GLG1: variants seen among roughly 807,000 people sequenced by gnomAD.
GLG1 encodes golgi glycoprotein 1, also known as Golgi apparatus protein 1.
In GLG1, 38 loss-of-function variants were observed where a neutral mutation model predicts 160.5. The observed-to-expected ratio is 0.24, with a 90% CI of 0.18 to 0.31. GLG1 has a LOEUF of 0.31. Ranked by LOEUF, GLG1 falls within the 10% of genes least tolerant of loss-of-function variation. GLG1 has a pLI of 1.00. For synonymous variants in GLG1, 644 were observed against 543.4 expected, an observed-to-expected ratio of 1.19 and a Z score of -2.57; for missense variants, 1,373 against 1,505.2, an observed-to-expected ratio of 0.91 and a Z score of 1.45.
In GLG1 at chr16:74,590,675, T is replaced by C. The variant is rs1357798941; in HGVS notation, c.438+15982A>G. On this transcript the variant is annotated intron_variant, in intron 1 of 25. Transcript: ENST00000422840. ...CGGGCGTGGTGACACCACATGCTTG[T>C]AATCCCAGCTACTCAGGAGGCTGAG... is the stretch of plus-strand genomic sequence containing the variant. Among the ~76,000 whole-genome samples, 8 of 144,910 alleles carry C rather than the reference T, an allele frequency of 5.5e-5. No individual in the cohort carries two copies. The East Asian group carries it at 1.6e-3, about 30-fold the overall frequency.
chr16:74,543,327 C>T (rs537334266), intron 1 of GLG1, among the ~76,000 whole-genome samples: 4 of 152,300 alleles, frequency 2.6e-5, no homozygotes, highest in East Asian at 1.9e-4. Flanking sequence ...TCAGGCCAGG[C>T]TCAGTGGCAC....
chr16:74,481,976 G>C (rs1417366159), intron 10 of GLG1, among the ~76,000 whole-genome samples: 3 of 152,116 alleles, frequency 2.0e-5, no homozygotes, highest in Non-Finnish European at 2.9e-5. Context: ...TTTTAGTAGA[G>C]ATGGGGTTTC....
intron 1 of GLG1, among the ~76,000 whole-genome samples, chr16:74,601,001 G>A (rs1285331030): frequency 6.6e-6 from 1 of 152,234 alleles, no homozygotes; most frequent in Middle Eastern, 3.4e-3. Flanking sequence ...TATAATAGAA[G>A]ATCAATAATG....
At chr16:74,498,659 G>A (rs935820860) in intron 4 of GLG1, among the ~76,000 whole-genome samples, 1 of 148,814 alleles carries the variant, frequency 6.7e-6, no homozygotes, top group Admixed American at 6.7e-5. Flanking sequence ...GAGGTCAGGA[G>A]TTCGAGACCA....
In GLG1 at chr16:74,474,733, C is replaced by T. The variant is rs2015336700; in HGVS notation, c.1966-101G>A. 6 of 745,286 alleles carry T rather than the reference C, an allele frequency of 8.1e-6. No individual in the cohort carries two copies. In the South Asian group the frequency reaches 8.5e-5, roughly 11 times the overall value. The allele number at this position is 745,286 out of a possible 1,614,324, so 46.2% of individuals were successfully genotyped here. On this transcript the variant is annotated intron_variant, in intron 12 of 25. Coordinates refer to ENST00000422840, the MANE Select transcript of GLG1 (RefSeq NM_001145667.2). ...TGACACTTCCCTTTTCAGTGGTCCT[C>T]CTTTCTCTTCTTTTTAAAATTACCT...
intron 1 of GLG1, among the ~76,000 whole-genome samples, chr16:74,546,360 G>C (rs997281610): frequency 2.0e-5 from 3 of 151,948 alleles, no homozygotes; most frequent in Non-Finnish European, 4.4e-5. Flanking sequence ...TGGAAGGATC[G>C]CTTGAGCCCA....
chr16:74,516,623 C>A lies in GLG1; in HGVS notation c.472-7698G>T, dbSNP rs555702264. Among the ~76,000 whole-genome samples, 220 of 152,226 alleles carry A rather than the reference C, an allele frequency of 1.4e-3. 1 individual carries two copies. The South Asian group carries it at 0.016, about 11-fold the overall frequency. On this transcript the variant is annotated intron_variant, in intron 2 of 25. Coordinates refer to ENST00000422840, the MANE Select transcript of GLG1 (RefSeq NM_001145667.2). ...AAGCAGGAAAGATCTAAAATTGACA[C>A]CCTAACATCATAATTAAAAGAACTA...
chr16:74,497,132 A>T (rs1389934878), intron 4 of GLG1, among the ~76,000 whole-genome samples: 1 of 151,942 alleles, frequency 6.6e-6, no homozygotes, highest in Admixed American at 6.6e-5. Flanking sequence ...TACTAAAAAT[A>T]CAAAAAATTA....
chr16:74,540,861 A>G (rs1252969795), intron 1 of GLG1, among the ~76,000 whole-genome samples: 1 of 152,194 alleles, frequency 6.6e-6, no homozygotes, highest in Non-Finnish European at 1.5e-5. Flanking sequence ...TCAAGAGATA[A>G]AAGGCCTTGT....
chr16:74,514,919 G>T (rs1199742247), intron 2 of GLG1, among the ~76,000 whole-genome samples: 1 of 151,820 alleles, frequency 6.6e-6, no homozygotes, highest in Non-Finnish European at 1.5e-5. Flanking sequence ...ACACACATAG[G>T]CTCAAAATAA....
intron 10 of GLG1, 42 bp downstream of exon 10, chr16:74,482,981 G>T: frequency 1.0e-6 from 1 of 988,050 alleles, no homozygotes. Flanking sequence ...CACAGGAGAA[G>T]AGGCTGAGGC....
At chr16:74,471,516 T>C (rs1435837353) in intron 14 of GLG1, among the ~76,000 whole-genome samples, 1 of 152,190 alleles carries the variant, frequency 6.6e-6, no homozygotes, top group Non-Finnish European at 1.5e-5. Flanking sequence ...ACGCTTTTTT[T>C]TTCACTTTCC....
chr16:74,582,097 A>ATT (rs936623493), intron 1 of GLG1, among the ~76,000 whole-genome samples: 3 of 152,078 alleles, frequency 2.0e-5, no homozygotes, highest in African/African-American at 7.2e-5. Context: ...TTTAAAACAG[A>ATT]TTTTCCTAGA....
chr16:74,584,107 G>A (rs777754014), intron 1 of GLG1, among the ~76,000 whole-genome samples: 11 of 151,994 alleles, frequency 7.2e-5, no homozygotes, highest in Non-Finnish European at 1.3e-4. Flanking sequence ...ATAGTGCCCC[G>A]AGTAATTTCC....
chr16:74,472,459 G>T, intron 13 of GLG1, 48 bp from the exon 14 acceptor site: 1 of 1,430,498 alleles, frequency 7.0e-7, no homozygotes, highest in Non-Finnish European at 9.8e-7. Flanking sequence ...AAAGAGCCAG[G>T]GTGGAGGAGG....
rs752206213 is a variant in GLG1 at position 74,508,889 on chromosome 16, G to C, written c.508C>G (p.Pro170Ala). 3 of 1,531,126 alleles carry C rather than the reference G, an allele frequency of 2.0e-6. No individual in the cohort carries two copies. In the South Asian group the frequency reaches 3.4e-5, roughly 17 times the overall value. 94.8% of individuals were successfully genotyped at this position (1,531,126 alleles called of 1,614,324 possible). Reference sequence around the variant, plus strand: ...TCTCTGGCCACAGATTCAAATTTGGGATCTGTAGTTAGGTTCAGCTTATAA... The same window carrying C: ...TCTCTGGCCACAGATTCAAATTTGGCATCTGTAGTTAGGTTCAGCTTATAA... Reference protein sequence around the residue: ...WNYKLNLTTDPKFESVAREVC... With the variant: ...WNYKLNLTTDAKFESVAREVC... The change falls in exon 3 of 26, where the codon CCC becomes GCC. Residue 170 changes from proline (P) to alanine (A), a missense_variant. This residue lies in a region of GLG1 where 322 missense variants were observed against 254.6 expected (regional missense o/e 1.26). Coordinates refer to ENST00000422840, the MANE Select transcript of GLG1 (RefSeq NM_001145667.2).
intron 1 of GLG1, among the ~76,000 whole-genome samples, chr16:74,589,208 T>C (rs886297602): frequency 2.0e-5 from 3 of 151,336 alleles, no homozygotes; most frequent in Non-Finnish European, 2.9e-5. Context: ...TGAGCCAAGA[T>C]TGCGCCACTG....
intron 1 of GLG1, among the ~76,000 whole-genome samples, chr16:74,563,989 T>C (rs1033029155): frequency 6.6e-6 from 1 of 152,162 alleles, no homozygotes; most frequent in Non-Finnish European, 1.5e-5. Flanking sequence ...AGTGGCTCAA[T>C]CATGACTCAT....
chr16:74,475,621 A>G (rs535871380), intron 12 of GLG1, among the ~76,000 whole-genome samples: 1 of 152,322 alleles, frequency 6.6e-6, no homozygotes, highest in South Asian at 2.1e-4. Flanking sequence ...AGAGGTTTAC[A>G]GGTTTAGAGG....
Sources: allele counts gnomAD v4.1 joint callset (sites outside exome capture counted in the v4.1 genomes callset), GRCh38; gene constraint gnomAD v4.1.1; regional missense constraint gnomAD v4.1.1; transcripts MANE v1.5; gene names NCBI Gene and HGNC (gene_info 2026-07-23, HGNC 2026-07-21).